Variants in KAT6A observed in about 807,000 individuals in gnomAD.
KAT6A encodes the protein histone acetyltransferase KAT6A.
KAT6A carries 9 observed loss-of-function variants against 198.4 expected under a neutral mutation model. The ratio of observed to expected loss-of-function variants is 0.05; its 90% CI spans 0.03 to 0.08. The LOEUF (loss-of-function observed/expected upper bound fraction) is 0.08, where lower values mean the gene tolerates loss of function less well. Among genes scored for constraint, KAT6A ranks in the 10% least tolerant of loss-of-function variants. The pLI, the probability that KAT6A is intolerant of heterozygous loss-of-function variation, is 1.00. For synonymous variants in KAT6A, 890 were observed against 883.0 expected (o/e 1.01, Z -0.14); for missense variants, 2,077 against 2,509.9 (o/e 0.83, Z 3.69).
intron 7 of KAT6A, among the ~76,000 whole-genome samples, chr8:41,975,698 GTACT>G (rs1198531996): frequency 6.6e-6 from 1 of 152,088 alleles, no homozygotes; most frequent in Non-Finnish European, 1.5e-5. Flanking sequence ...ACAGCATTCG[GTACT>G]TAAACTTTAT....
At chr8:42,024,198 G>A (rs1384991411) in intron 2 of KAT6A, among the ~76,000 whole-genome samples, 1 of 152,150 alleles carries the variant, frequency 6.6e-6, no homozygotes, top group African/African-American at 2.4e-5. Flanking sequence ...GCTCTCATAA[G>A]ACTGGCAGCA....
rs1824194078 is a variant in KAT6A, at chr8:41,978,694, A to G, written c.991T>C (p.Tyr331His). 1.9e-6 allele frequency: 3 copies of G among 1,613,960 alleles called. No individual in the cohort carries two copies. Among genetic ancestry groups the G allele is most frequent in the Admixed American group, 1.7e-5 (1 of 59,996 alleles). Residue 331 changes from tyrosine to histidine, a missense_variant, in exon 6 of 17, where the codon TAT becomes CAT. Physicochemically the swap from Tyr to His is moderately conservative, Grantham distance 83. Transcript: ENST00000265713. ...QKKAAQIKRR[Y>H]TNPIGRPKNR... ...TTTGGACGTCCTATTGGATTAGTAT[A>G]GCGCCGTTTTATCTGTGCTGCCTTC... is the stretch of plus-strand genomic sequence containing the variant.
At chr8:42,001,777 G>A (rs1356555391) in intron 2 of KAT6A, among the ~76,000 whole-genome samples, 1 of 151,996 alleles carries the variant, frequency 6.6e-6, no homozygotes, top group African/African-American at 2.4e-5. Flanking sequence ...AAGGAATAGG[G>A]GCTTGTCAAA....
intron 5 of KAT6A, among the ~76,000 whole-genome samples, chr8:41,980,449 A>G (rs1235981153): frequency 2.6e-5 from 4 of 152,172 alleles, no homozygotes; most frequent in Non-Finnish European, 4.4e-5. Context: ...ATATCTCTAT[A>G]GCTCTAGGGC....
chr8:41,993,423 C>T (rs989831141), intron 2 of KAT6A, among the ~76,000 whole-genome samples: 5 of 152,106 alleles, frequency 3.3e-5, no homozygotes, highest in African/African-American at 7.2e-5. Flanking sequence ...CAAATAAAGG[C>T]GTTATTCCAA....
rs953279047 is a variant in KAT6A at position 41,946,649 on chromosome 8, A to G, written c.1938T>C (p.Cys646=). 2.5e-6 allele frequency: 4 copies of G among 1,608,900 alleles called. No individual in the cohort carries two copies. In the Admixed American group the frequency reaches 5.0e-5, roughly 20 times the overall value. Residue 646 remains cysteine, a synonymous_variant, in exon 12 of 17, where the codon TGT becomes TGC. Coordinates refer to ENST00000265713, the MANE Select transcript of KAT6A (RefSeq NM_006766.5). ...KHCQQKYNVS[C]IMILPQYQRK... is the part of the protein sequence containing the mutation. ...GCTGGTATTGAGGAAGAATCATTAT[A>G]CAGGAAACATTGTACTTCTGTTGGC...
intron 9 of KAT6A, among the ~76,000 whole-genome samples, chr8:41,951,601 G>C (rs545459392): frequency 3.3e-4 from 51 of 152,284 alleles, no homozygotes; most frequent in African/African-American, 1.2e-3. Context: ...AACTGCACAT[G>C]AAGTGTCACC....
intron 2 of KAT6A, among the ~76,000 whole-genome samples, chr8:42,030,021 A>G (rs1394160310): frequency 6.6e-6 from 1 of 152,152 alleles, no homozygotes; most frequent in East Asian, 1.9e-4. Flanking sequence ...GTGATGCTGC[A>G]GCCCTCTGGA....
Position 41,978,979 on chromosome 8 carries a change from C to A in KAT6A, c.908-202G>T, listed in dbSNP as rs532278481. 1.8e-4 allele frequency among the ~76,000 whole-genome samples: 27 copies of A among 152,312 alleles called. No homozygotes were observed. The South Asian group carries it at 5.6e-3, about 32-fold the overall frequency. On this transcript the variant is annotated intron_variant, in intron 5 of 16. Transcript: ENST00000265713. ...CAAATAATTGGAAGAGACTCACATA[C>A]ACCTTCAAGCCTGCACTGGAAGTCC...
At chr8:42,013,341 C>T (rs1248486475) in intron 2 of KAT6A, among the ~76,000 whole-genome samples, 1 of 151,466 alleles carries the variant, frequency 6.6e-6, no homozygotes, top group Non-Finnish European at 1.5e-5. Context: ...CTGCAACCTC[C>T]GCCTCCCGGG....
rs1317843247 is a variant in KAT6A, at chr8:41,940,991, C to T, written c.2890G>A (p.Glu964Lys). 1.2e-6 allele frequency: 2 copies of T among 1,614,206 alleles called. No individual in the cohort carries two copies. The highest frequency in any genetic ancestry group is 1.1e-5 in the South Asian group (1 of 91,082). The part of the protein sequence containing the change: ...SPEALKCRLT[E>K]GSERLPRRYS... ...CGACGGGGCAGCCTCTCACTTCCTT[C>T]TGTTAATCTGCACTTCAGAGCCTCA... Residue 964 changes from glutamate to lysine, a missense_variant, in exon 15 of 17, where the codon GAA becomes AAA. Transcript: ENST00000265713.
At chr8:42,051,082 C>T (rs1802601586) in intron 1 of KAT6A, among the ~76,000 whole-genome samples, 1 of 152,148 alleles carries the variant, frequency 6.6e-6, no homozygotes, top group Non-Finnish European at 1.5e-5. Context: ...TGGAAACAGA[C>T]CCCGAGCACA....
chr8:42,003,883 A>T (rs1197892496), intron 2 of KAT6A, among the ~76,000 whole-genome samples: 1 of 152,226 alleles, frequency 6.6e-6, no homozygotes, highest in Non-Finnish European at 1.5e-5. Flanking sequence ...AAAGGTGACC[A>T]TCTGCAAGAC....
intron 2 of KAT6A, among the ~76,000 whole-genome samples, chr8:42,030,374 G>A (rs997893071): frequency 6.6e-6 from 1 of 152,084 alleles, no homozygotes; most frequent in Non-Finnish European, 1.5e-5. Context: ...CTCTCTTCCT[G>A]TGCCTCAGAG....
intron 2 of KAT6A, among the ~76,000 whole-genome samples, chr8:42,020,610 A>T (rs1399779521): frequency 1.3e-5 from 2 of 152,188 alleles, no homozygotes; most frequent in African/African-American, 2.4e-5. Context: ...CTGCTGAATG[A>T]ATGTCTGAAA....
intron 2 of KAT6A, among the ~76,000 whole-genome samples, chr8:42,014,385 T>C (rs987751696): frequency 2.0e-5 from 3 of 152,242 alleles, no homozygotes; most frequent in African/African-American, 7.2e-5. Context: ...CACAATCATC[T>C]ATACCCATAC....
chr8:41,995,068 A>T (rs1825130354), intron 2 of KAT6A, among the ~76,000 whole-genome samples: 1 of 151,906 alleles, frequency 6.6e-6, no homozygotes, highest in Non-Finnish European at 1.5e-5. Context: ...AAAAAAAAAT[A>T]AAAATAAAAA....
chr8:42,042,020 T>C (rs1827693669), intron 2 of KAT6A, among the ~76,000 whole-genome samples: 2 of 152,366 alleles, frequency 1.3e-5, no homozygotes, highest in South Asian at 2.1e-4. Context: ...TAATTGAAAT[T>C]GAAATTTCCA....
chr8:42,039,230 G>C (rs1362480704), intron 2 of KAT6A, among the ~76,000 whole-genome samples: 2 of 152,004 alleles, frequency 1.3e-5, no homozygotes, highest in Non-Finnish European at 2.9e-5. Context: ...GTAGCCAAGT[G>C]GTAAATAACT....
Sources: gnomAD v4.1 joint callset for allele counts (sites outside exome capture counted in the v4.1 genomes callset) on GRCh38, gnomAD v4.1.1 for gene constraint, MANE v1.5 for transcripts, NCBI Gene and HGNC (gene_info 2026-07-23, HGNC 2026-07-21) for gene names.